Variants in FANCL observed in about 807,000 individuals in gnomAD.
FANCL encodes the protein E3 ubiquitin-protein ligase FANCL.
In FANCL, 69 loss-of-function variants were observed where a neutral mutation model predicts 59.4. The observed-to-expected ratio is 1.16, with a 90% confidence interval of 0.96 to 1.42. The LOEUF (loss-of-function observed/expected upper bound fraction) is 1.42. FANCL is among the 40% of genes most tolerant of loss of function. FANCL has a pLI of 0.00. For synonymous variants in FANCL, 180 were observed against 147.1 expected (o/e 1.22, Z -1.62); for missense variants, 519 against 447.2 (o/e 1.16, Z -1.45).
rs753065395 is a variant in FANCL, at chr2:58,159,389, A to G, written c.*376T>C. 3.7e-6 allele frequency: 6 copies of G among 1,612,736 alleles called. No homozygotes were observed. The Admixed American group carries it at 8.4e-5, about 22-fold the overall frequency. On this transcript the variant is annotated 3_prime_UTR_variant, in exon 14 of 14. Transcript: ENST00000233741. ...AGACAGAAATATCAAGAGTCTCAAG[A>G]ACCTTTGAATGAAGTAAACAGTTTC...
chr2:58,202,608 G>A (rs764351688), intron 6 of FANCL, among the ~76,000 whole-genome samples: 12 of 151,006 alleles, frequency 7.9e-5, no homozygotes, highest in African/African-American at 1.9e-4. Context: ...AAAGTGCTTC[G>A]TAACTACAGA....
intron 1 of FANCL, 106 bp downstream of exon 1, chr2:58,241,112 A>G: frequency 2.4e-6 from 3 of 1,225,848 alleles, no homozygotes; most frequent in Non-Finnish European, 2.4e-6. Context: ...GCCCCTCTCA[A>G]TCCCCACAAG....
intron 4 of FANCL, 135 bp downstream of exon 4, chr2:58,226,593 C>T (rs1012725032): frequency 8.5e-6 from 6 of 704,642 alleles, no homozygotes; most frequent in Admixed American, 7.6e-5. Flanking sequence ...TATTTATGTA[C>T]ACAGTAAAAG....
chr2:58,193,100 A>C (rs968547294), intron 7 of FANCL, among the ~76,000 whole-genome samples: 1 of 152,050 alleles, frequency 6.6e-6, no homozygotes, highest in African/African-American at 2.4e-5. Context: ...GAAGGACCTA[A>C]GTAAATGTAG....
In FANCL at chr2:58,160,139, ATGT is replaced by A. The variant is rs971152606; in HGVS notation, c.1058_1060del (p.Asn353del). 3.7e-6 allele frequency: 6 copies of A among 1,612,838 alleles called. No homozygotes were observed. In the African/African-American group the frequency reaches 8.0e-5, roughly 22 times the overall value. ...ACAATATGGACATTCACCAAATATG[ATGT>A]TAAAACTCTGTCTACTAGTTAGTAG... On this transcript the variant is annotated inframe_deletion, in exon 13 of 14. Coordinates refer to ENST00000233741, the MANE Select transcript of FANCL (RefSeq NM_018062.4).
chr2:58,183,285 AGAT>A (rs1688101623), intron 7 of FANCL, among the ~76,000 whole-genome samples: 1 of 151,942 alleles, frequency 6.6e-6, no homozygotes, highest in Non-Finnish European at 1.5e-5. Context: ...TTAAGTTTAG[AGAT>A]TATTTCACTA....
rs143819820 is a variant in FANCL at position 58,229,827 on chromosome 2, C to G, written c.203G>C (p.Arg68Pro). 818 of 1,609,506 alleles carry G rather than the reference C, an allele frequency of 5.1e-4. 1 individual carries two copies. The highest frequency in any genetic ancestry group is 1.2e-3 in the Middle Eastern group (7 of 6,030). ...QLRTILSGYHRIVQQRMQHSP... is the reference protein window; with the variant it reads ...QLRTILSGYHPIVQQRMQHSP... ...AAAAGGACTTACCTGTTGTACTATT[C>G]GATGGTATCCACTAAGTATTGTTCT... The change falls in exon 3 of 14, where the codon CGA becomes CCA. Residue 68 changes from arginine (R) to proline (P), a missense_variant. Arg to Pro is a moderately radical substitution (Grantham distance 103). Coordinates refer to ENST00000233741, the MANE Select transcript of FANCL (RefSeq NM_018062.4).
intron 6 of FANCL, among the ~76,000 whole-genome samples, chr2:58,198,929 T>G (rs927319320): frequency 3.3e-5 from 5 of 150,060 alleles, no homozygotes; most frequent in Non-Finnish European, 7.4e-5. Flanking sequence ...CTTGGGAGGC[T>G]GAGGCAGGAG....
intron 7 of FANCL, among the ~76,000 whole-genome samples, chr2:58,182,157 C>A (rs955763553): frequency 5.9e-5 from 9 of 151,826 alleles, no homozygotes; most frequent in South Asian, 2.1e-4. Flanking sequence ...AGGTAAGAAA[C>A]CACAGAAATA....
At chr2:58,231,940 T>C (rs917351614) in intron 2 of FANCL, 114 bp downstream of exon 2, 8 of 826,824 alleles carry the variant, frequency 9.7e-6, no homozygotes, top group East Asian at 2.6e-5. Flanking sequence ...TTGGGGCAAA[T>C]GACTAATAAG....
chr2:58,236,742 C>G (rs1281126497), intron 1 of FANCL, among the ~76,000 whole-genome samples: 2 of 151,680 alleles, frequency 1.3e-5, no homozygotes, highest in African/African-American at 4.8e-5. Flanking sequence ...TATTAAAACA[C>G]AAATAAGTTT....
intron 5 of FANCL, among the ~76,000 whole-genome samples, chr2:58,220,329 T>C (rs930302482): frequency 2.0e-5 from 3 of 152,170 alleles, no homozygotes; most frequent in Non-Finnish European, 2.9e-5. Context: ...CTAACCTATC[T>C]CTGCACATAG....
intron 7 of FANCL, among the ~76,000 whole-genome samples, chr2:58,195,824 A>G (rs2105078691): frequency 6.6e-6 from 1 of 152,276 alleles, no homozygotes; most frequent in East Asian, 1.9e-4. Context: ...ATATAAACTT[A>G]TACAACAATC....
chr2:58,170,967 C>A (rs13428078), intron 7 of FANCL, among the ~76,000 whole-genome samples: 2,317 of 152,156 alleles, frequency 0.015, 59 homozygotes, highest in African/African-American at 0.052. Context: ...GACAGATCAA[C>A]GAGACACAAA....
intron 1 of FANCL, 93 bp from the exon 2 acceptor site, chr2:58,232,205 C>A: frequency 9.6e-7 from 1 of 1,040,766 alleles, no homozygotes. Flanking sequence ...ACAATGTTTT[C>A]CTTTATTTTC....
At chr2:58,196,543 ATAT>A (rs1032365500) in intron 7 of FANCL, among the ~76,000 whole-genome samples, 5 of 151,862 alleles carry the variant, frequency 3.3e-5, no homozygotes, top group African/African-American at 9.7e-5. Flanking sequence ...ATTTGAATTA[ATAT>A]TATTAATATA....
intron 7 of FANCL, among the ~76,000 whole-genome samples, chr2:58,189,600 A>C (rs2105029207): frequency 6.6e-6 from 1 of 152,294 alleles, no homozygotes; most frequent in Non-Finnish European, 1.5e-5. Context: ...TTGAGCTAGG[A>C]AAGCACTTAA....
chr2:58,211,723 C>A (rs1691181496), intron 5 of FANCL, among the ~76,000 whole-genome samples: 1 of 152,224 alleles, frequency 6.6e-6, no homozygotes, highest in African/African-American at 2.4e-5. Context: ...CCTAAATCAT[C>A]TCTCTCAAGT....
At chr2:58,217,169 TA>T (rs1558806303) in intron 5 of FANCL, among the ~76,000 whole-genome samples, 4 of 27,506 alleles carry the variant, frequency 1.5e-4, no homozygotes, top group African/African-American at 3.4e-4. Context: ...ATATATTTTA[TA>T]TATATATATA....
Sources: gnomAD v4.1 joint callset for allele counts (sites outside exome capture counted in the v4.1 genomes callset) on GRCh38, gnomAD v4.1.1 for gene constraint, MANE v1.5 for transcripts, NCBI Gene and HGNC (gene_info 2026-07-23, HGNC 2026-07-21) for gene names.